Variants in PARD3 observed in about 807,000 individuals in gnomAD.
PARD3 encodes partitioning defective 3 homolog.
PARD3 carries 75 observed loss-of-function variants against 155.4 expected under a neutral mutation model. The observed-to-expected ratio is 0.48, with a 90% confidence interval of 0.40 to 0.58. The LOEUF (loss-of-function observed/expected upper bound fraction) is 0.58. PARD3 is among the 20% of genes least tolerant of loss of function. PARD3 has a pLI of 0.00. For missense variants in PARD3, 1,642 were observed against 1,721.7 expected (o/e 0.95, Z 0.82); for synonymous variants, 576 against 610.5 (o/e 0.94, Z 0.83).
chr10:34,254,265 G>T (rs1954515113), intron 22 of PARD3, among the ~76,000 whole-genome samples: 1 of 152,064 alleles, frequency 6.6e-6, no homozygotes, highest in Non-Finnish European at 1.5e-5. Flanking sequence ...TGTAGTCCCA[G>T]CTACTCAGGA....
chr10:34,385,657 T>C (rs1164527698), intron 7 of PARD3, among the ~76,000 whole-genome samples: 1 of 152,238 alleles, frequency 6.6e-6, no homozygotes. Flanking sequence ...TGCAGTCATC[T>C]GTGTATGTTT....
intron 22 of PARD3, among the ~76,000 whole-genome samples, chr10:34,214,243 C>A (rs913889537): frequency 5.9e-5 from 9 of 151,980 alleles, no homozygotes. Context: ...AAGTAGAGTA[C>A]CTAAATTTAT....
chr10:34,411,553 T>C (rs1845053774), intron 5 of PARD3, among the ~76,000 whole-genome samples: 1 of 152,126 alleles, frequency 6.6e-6, no homozygotes, highest in Non-Finnish European at 1.5e-5. Context: ...TGGACTGAAG[T>C]ATCAGATCTT....
At chr10:34,342,384 T>A (rs149017656) in intron 15 of PARD3, among the ~76,000 whole-genome samples, 12 of 152,342 alleles carry the variant, frequency 7.9e-5, no homozygotes, top group African/African-American at 2.6e-4. Context: ...GGGTAGGAAG[T>A]GCTGGAAATC....
intron 22 of PARD3, among the ~76,000 whole-genome samples, chr10:34,242,337 T>C (rs1350164146): frequency 6.6e-6 from 1 of 152,182 alleles, no homozygotes; most frequent in African/African-American, 2.4e-5. Context: ...GCAGCACTCC[T>C]ATTTAAGGAC....
At chr10:34,347,293 A>G (rs1837531448) in intron 15 of PARD3, among the ~76,000 whole-genome samples, 1 of 152,256 alleles carries the variant, frequency 6.6e-6, no homozygotes, top group Non-Finnish European at 1.5e-5. Context: ...TGGCAAAGCA[A>G]GAATTTATGA....
chr10:34,368,700 AG>A (rs1330796439), intron 12 of PARD3, among the ~76,000 whole-genome samples: 2 of 152,054 alleles, frequency 1.3e-5, no homozygotes, highest in Non-Finnish European at 2.9e-5. Context: ...AGGTGGGAGC[AG>A]CCCAAGTCAG....
intron 22 of PARD3, among the ~76,000 whole-genome samples, chr10:34,197,206 C>G (rs1239417132): frequency 6.6e-6 from 1 of 152,156 alleles, no homozygotes; most frequent in Non-Finnish European, 1.5e-5. Flanking sequence ...ATCACAGTGA[C>G]CAAATACCAG....
chr10:34,670,917 C>A (rs2093599227), intron 2 of PARD3, among the ~76,000 whole-genome samples: 1 of 152,204 alleles, frequency 6.6e-6, no homozygotes, highest in South Asian at 2.1e-4. Flanking sequence ...GAATACATTT[C>A]TACCTCCTCA....
At chr10:34,152,889 A>C (rs898521508) in intron 22 of PARD3, among the ~76,000 whole-genome samples, 4 of 152,196 alleles carry the variant, frequency 2.6e-5, no homozygotes, top group African/African-American at 7.2e-5. Flanking sequence ...TCCAATGATA[A>C]GGTAGCCTTG....
At chr10:34,507,066 C>G (rs2081114611) in intron 3 of PARD3, among the ~76,000 whole-genome samples, 2 of 152,154 alleles carry the variant, frequency 1.3e-5, no homozygotes, top group African/African-American at 4.8e-5. Flanking sequence ...CAGTGAGCTT[C>G]CAACACCCCA....
Position 34,382,769 on chromosome 10 carries a change from G to T in PARD3, c.1170C>A (p.Asp390Glu). 1.2e-6 allele frequency: 2 copies of T among 1,614,182 alleles called. No homozygotes were observed. Among genetic ancestry groups the T allele is most frequent in the East Asian group, 2.2e-5 (1 of 44,880 alleles). Residue 390 changes from aspartate (D) to glutamate (E), a missense_variant, in exon 9 of 25, where the codon GAC becomes GAA. Coordinates refer to ENST00000374788, the MANE Select transcript of PARD3 (RefSeq NM_001184785.2). Reference protein sequence around the residue: ...SRFSPDSQYIDNRSVNSAGLH... With the variant: ...SRFSPDSQYIENRSVNSAGLH... ...GCCCTGCACTGTTCACACTCCTGTTGTCAATATACTGGCTGTCAGGGCTAA... is the reference window on the plus strand; with the variant it reads ...GCCCTGCACTGTTCACACTCCTGTTTTCAATATACTGGCTGTCAGGGCTAA...
chr10:34,737,593 A>G (rs545232934), intron 1 of PARD3, among the ~76,000 whole-genome samples: 27 of 152,302 alleles, frequency 1.8e-4, no homozygotes, highest in African/African-American at 6.5e-4. Context: ...CCAACGCAAC[A>G]GTAGAGAGGA....
chr10:34,116,493 CCT>C (rs1946679587), intron 24 of PARD3, among the ~76,000 whole-genome samples: 1 of 152,136 alleles, frequency 6.6e-6, no homozygotes, highest in East Asian at 1.9e-4. Context: ...TGCAGTCCCC[CCT>C]GACCTCCTGT....
intron 1 of PARD3, among the ~76,000 whole-genome samples, chr10:34,700,921 G>A (rs1280553246): frequency 6.6e-6 from 1 of 152,138 alleles, no homozygotes; most frequent in Non-Finnish European, 1.5e-5. Flanking sequence ...GTTGCAGTGA[G>A]CTGAGATCAC....
chr10:34,728,710 T>C (rs574187507), intron 1 of PARD3, among the ~76,000 whole-genome samples: 1 of 152,346 alleles, frequency 6.6e-6, no homozygotes, highest in South Asian at 2.1e-4. Flanking sequence ...TTTCTGTACT[T>C]GCCTTTTGTT....
chr10:34,297,225 C>T (rs1192073526), intron 20 of PARD3, among the ~76,000 whole-genome samples: 1 of 152,134 alleles, frequency 6.6e-6, no homozygotes, highest in Admixed American at 6.5e-5. Flanking sequence ...ATTGCTTGAG[C>T]CCAAGAGTTT....
intron 1 of PARD3, among the ~76,000 whole-genome samples, chr10:34,732,596 GC>G (rs1454587955): frequency 1.3e-5 from 2 of 152,100 alleles, no homozygotes; most frequent in East Asian, 3.9e-4. Context: ...TGTTTGGGAG[GC>G]TGAGGCGGGA....
In PARD3 at chr10:34,111,008, T is replaced by C. The variant is rs920818002; in HGVS notation, c.*161A>G. 1 of 678,050 alleles carries C rather than the reference T, an allele frequency of 1.5e-6. No individual in the cohort carries two copies. The highest frequency in any genetic ancestry group is 2.4e-6 in the Non-Finnish European group (1 of 419,398). The allele number at this position is 678,050 out of a possible 1,614,324, so 42.0% of individuals were successfully genotyped here. On this transcript the variant is annotated 3_prime_UTR_variant, in exon 25 of 25. Coordinates refer to ENST00000374788, the MANE Select transcript of PARD3 (RefSeq NM_001184785.2). ...ACTTGAGACATAGTGGCAAAGACAT[T>C]AAGGCCTTCCATTTCTTTGCCTACA...
Sources: allele counts gnomAD v4.1 joint callset (sites outside exome capture counted in the v4.1 genomes callset), GRCh38; gene constraint gnomAD v4.1.1; transcripts MANE v1.5; gene names NCBI Gene and HGNC (gene_info 2026-07-23, HGNC 2026-07-21).